Variants in PTPRM observed in about 807,000 individuals in gnomAD.
The protein encoded by PTPRM is protein tyrosine phosphatase receptor type M.
In PTPRM, 47 loss-of-function variants were observed where a neutral mutation model predicts 186.7. The ratio of observed to expected loss-of-function variants is 0.25; its 90% confidence interval spans 0.20 to 0.32. The LOEUF is 0.32. Ranked by LOEUF, PTPRM falls within the 10% of genes least tolerant of loss-of-function variation. The pLI is 1.00. For synonymous variants in PTPRM, 668 were observed against 674.9 expected (o/e 0.99, Z 0.16); for missense variants, 1,494 against 1,865.0 (o/e 0.80, Z 3.66).
intron 13 of PTPRM, among the ~76,000 whole-genome samples, chr18:8,116,734 G>C (rs1045335020): frequency 4.6e-5 from 7 of 152,198 alleles, no homozygotes; most frequent in Non-Finnish European, 8.8e-5. Context: ...GATTGAATTA[G>C]ATAGTGATTT....
intron 7 of PTPRM, among the ~76,000 whole-genome samples, chr18:8,020,605 G>A (rs1165220321): frequency 2.0e-5 from 3 of 151,994 alleles, no homozygotes; most frequent in Non-Finnish European, 2.9e-5. Flanking sequence ...GGAATGTTTC[G>A]GGTGTCTCTG....
At chr18:8,091,029 A>G (rs1303871084) in intron 11 of PTPRM, among the ~76,000 whole-genome samples, 1 of 152,048 alleles carries the variant, frequency 6.6e-6, no homozygotes, top group East Asian at 1.9e-4. Flanking sequence ...CCTCACTAAG[A>G]CATTATTTTG....
chr18:7,701,012 C>T (rs373132888), intron 1 of PTPRM, among the ~76,000 whole-genome samples: 4 of 118,812 alleles, frequency 3.4e-5, no homozygotes, highest in Middle Eastern at 5.1e-3. Context: ...AAAAAGAAAA[C>T]AAGAAAAAAA....
chr18:8,321,705 C>A (rs919444116), intron 22 of PTPRM, among the ~76,000 whole-genome samples: 2 of 152,188 alleles, frequency 1.3e-5, no homozygotes, highest in Non-Finnish European at 2.9e-5. Flanking sequence ...GATTGGACTT[C>A]TCAAACTGGC....
At chr18:8,117,135 A>G (rs1260041641) in intron 13 of PTPRM, among the ~76,000 whole-genome samples, 1 of 152,300 alleles carries the variant, frequency 6.6e-6, no homozygotes, top group African/African-American at 2.4e-5. Flanking sequence ...ATGTGTCCCT[A>G]TTGATACTAG....
At chr18:7,780,177 A>G (rs1051071874) in intron 2 of PTPRM, among the ~76,000 whole-genome samples, 3 of 152,238 alleles carry the variant, frequency 2.0e-5, no homozygotes, top group African/African-American at 7.2e-5. Flanking sequence ...GTAATCTTGT[A>G]CATATAAATG....
At chr18:8,175,752 A>G (rs191467789) in intron 14 of PTPRM, among the ~76,000 whole-genome samples, 10 of 152,364 alleles carry the variant, frequency 6.6e-5, no homozygotes, top group African/African-American at 1.9e-4. Context: ...GGCATCTTGA[A>G]GGTAATTTCG....
Position 8,289,430 on chromosome 18 carries a change from ATATGTATATATACG to A in PTPRM, c.2755-6934_2755-6921del, listed in dbSNP as rs1426649919. ...TATATATACACATATATACGTATAT[ATATGTATATATACG>A]TATATATGTATATACATATATATAC... On this transcript the variant is annotated intron_variant, in intron 19 of 32. Coordinates refer to ENST00000580170, the MANE Select transcript of PTPRM (RefSeq NM_001105244.2). Among the ~76,000 whole-genome samples the A allele has an allele frequency of 2.1e-5, 3 of 139,636 alleles. 1 individual carries two copies. Among genetic ancestry groups the A allele is most frequent in the Non-Finnish European group, 4.6e-5 (3 of 65,642 alleles). The allele number at this position is 139,636 out of a possible 152,430, so 91.6% of individuals were successfully genotyped here.
At chr18:8,196,994 G>T (rs1407712030) in intron 14 of PTPRM, among the ~76,000 whole-genome samples, 1 of 152,200 alleles carries the variant, frequency 6.6e-6, no homozygotes, top group African/African-American at 2.4e-5. Flanking sequence ...AGCCAATTGG[G>T]AGTGTATTAT....
chr18:7,951,769 C>G (rs1230037349), intron 6 of PTPRM, among the ~76,000 whole-genome samples: 1 of 152,088 alleles, frequency 6.6e-6, no homozygotes, highest in African/African-American at 2.4e-5. Context: ...CTAGATACTA[C>G]TAGTTTTATA....
chr18:8,211,343 G>T (rs1308374419), intron 14 of PTPRM, among the ~76,000 whole-genome samples: 1 of 150,044 alleles, frequency 6.7e-6, no homozygotes, highest in South Asian at 2.1e-4. Context: ...GGAGAACCTT[G>T]GGGAATTGGG....
At chr18:7,580,479 G>A (rs2036814244) in intron 1 of PTPRM, among the ~76,000 whole-genome samples, 1 of 152,182 alleles carries the variant, frequency 6.6e-6, no homozygotes, top group Non-Finnish European at 1.5e-5. Flanking sequence ...CACAGGTGAC[G>A]CCAAAGGCTC....
chr18:8,379,450 A>G, intron 28 of PTPRM, 110 bp downstream of exon 28: 4 of 1,173,454 alleles, frequency 3.4e-6, no homozygotes, highest in Non-Finnish European at 4.5e-6. Context: ...TTTTTAAGAC[A>G]CAAACTTTTT....
Position 8,370,890 on chromosome 18 carries a change from G to A in PTPRM, c.3055G>A (p.Val1019Ile). ...ATAATTTCTTTTATGTTTTCTAAAG[G>A]TCAAATGCTGCAAATACTGGCCAGA... is the stretch of plus-strand genomic sequence containing the variant. ...MVTNLVEVGRVKCCKYWPDDT... is the reference protein window; with the variant it reads ...MVTNLVEVGRIKCCKYWPDDT... The change falls in exon 24 of 33, where the codon GTC becomes ATC. Residue 1019 changes from valine to isoleucine, a missense_variant and splice_region_variant. Transcript: ENST00000580170. The A allele has an allele frequency of 1.9e-6, 3 of 1,573,242 alleles. No individual in the cohort carries two copies. Among genetic ancestry groups the A allele is most frequent in the Non-Finnish European group, 2.6e-6 (3 of 1,154,924 alleles).
At chr18:7,841,283 T>C (rs1452603864) in intron 2 of PTPRM, among the ~76,000 whole-genome samples, 1 of 110,214 alleles carries the variant, frequency 9.1e-6, no homozygotes, top group East Asian at 2.6e-4. Flanking sequence ...AATCATTTCT[T>C]TTTTTTTTTT....
At chr18:7,780,942 A>G (rs887272768) in intron 2 of PTPRM, among the ~76,000 whole-genome samples, 5 of 152,160 alleles carry the variant, frequency 3.3e-5, no homozygotes, top group African/African-American at 9.7e-5. Context: ...GTCAGACCAC[A>G]TAGGACCCTG....
rs773064222 is a variant in PTPRM at position 8,069,884 on chromosome 18, A to G, written c.1331A>G (p.His444Arg). 1 of 1,613,790 alleles carries G rather than the reference A, an allele frequency of 6.2e-7. No homozygotes were observed. The highest frequency in any genetic ancestry group is 8.5e-7 in the Non-Finnish European group (1 of 1,179,776). Residue 444 changes from histidine to arginine, a missense_variant, in exon 8 of 33, where the codon CAC (histidine) becomes CGC (arginine). His to Arg is a conservative substitution (Grantham distance 29). Transcript: ENST00000580170. ...GATACAGAAAACTCACACCCTCAACACACGATCACTAACCTGTCACCATAC... is the reference window on the plus strand; with the variant it reads ...GATACAGAAAACTCACACCCTCAACGCACGATCACTAACCTGTCACCATAC... The part of the protein sequence containing the change: ...SWDTENSHPQ[H>R]TITNLSPYTN...
chr18:7,860,752 A>G (rs893536516), intron 2 of PTPRM, among the ~76,000 whole-genome samples: 4 of 152,234 alleles, frequency 2.6e-5, no homozygotes, highest in African/African-American at 9.6e-5. Context: ...AGAACTTAAC[A>G]GGTAAAGATC....
chr18:8,389,348 A>T (rs1238570420), intron 31 of PTPRM, among the ~76,000 whole-genome samples: 1 of 152,200 alleles, frequency 6.6e-6, no homozygotes, highest in Admixed American at 6.5e-5. Flanking sequence ...ACAAGAAGAC[A>T]TAAAGACTTC....
Sources: allele counts gnomAD v4.1 joint callset (sites outside exome capture counted in the v4.1 genomes callset), GRCh38; gene constraint gnomAD v4.1.1; transcripts MANE v1.5; gene names NCBI Gene and HGNC (gene_info 2026-07-23, HGNC 2026-07-21).